SRGAP1: variants seen among roughly 807,000 people sequenced by gnomAD.
The protein encoded by SRGAP1 is SLIT-ROBO Rho GTPase-activating protein 1.
A neutral mutation model predicts 121.9 loss-of-function variants in SRGAP1; 43 were observed. That is an observed-to-expected ratio of 0.35 (90% confidence interval 0.28 to 0.46). SRGAP1 has a LOEUF of 0.46. Ranked by LOEUF, SRGAP1 falls within the 20% of genes least tolerant of loss-of-function variation. SRGAP1 has a pLI of 1.00. For missense variants in SRGAP1, 1,102 were observed against 1,350.9 expected, an observed-to-expected ratio of 0.82 and a Z score of 2.89; for synonymous variants, 447 against 485.4, an observed-to-expected ratio of 0.92 and a Z score of 1.04.
At chr12:64,093,879 C>A (rs567122739) in intron 12 of SRGAP1, among the ~76,000 whole-genome samples, 1 of 152,066 alleles carries the variant, frequency 6.6e-6, no homozygotes, top group African/African-American at 2.4e-5. Context: ...AATAGTAAAG[C>A]GTTTAAATTG....
intron 1 of SRGAP1, among the ~76,000 whole-genome samples, chr12:63,908,100 T>C (rs569753922): frequency 2.8e-4 from 42 of 152,324 alleles, no homozygotes; most frequent in African/African-American, 9.4e-4. Flanking sequence ...TACCACACTA[T>C]CTTGATTAAT....
chr12:63,844,902 G>T lies in SRGAP1; in HGVS notation c.67+19G>T, dbSNP rs763932737. On this transcript the variant is annotated intron_variant, in intron 1 of 21. Coordinates refer to ENST00000355086, the MANE Select transcript of SRGAP1 (RefSeq NM_020762.4). This position sits in a 1 kb window ranked among gnomAD's most constrained non-coding sequence, Gnocchi z 4.3. ...GTCAAAGGTAAGGATGGGAGCGGCT[G>T]CCTTGCTCCTTTTGTGTGCCTTCTT... The T allele has an allele frequency of 6.2e-7, 1 of 1,611,828 alleles. No individual in the cohort carries two copies. The highest frequency in any genetic ancestry group is 1.1e-5 in the South Asian group (1 of 91,028).
chr12:63,917,470 GA>G (rs1376343213), intron 1 of SRGAP1, among the ~76,000 whole-genome samples: 2 of 152,124 alleles, frequency 1.3e-5, no homozygotes, highest in South Asian at 2.1e-4. Context: ...AGTGTGTTGG[GA>G]GCAATGTGAG....
rs542531891 is a variant in SRGAP1 at position 64,075,367 on chromosome 12, G to A, written c.1126-3552G>A. On this transcript the variant is annotated intron_variant, in intron 8 of 21. Coordinates refer to ENST00000355086, the MANE Select transcript of SRGAP1 (RefSeq NM_020762.4). ...CTTTAAGCAGTTTTCCGACTTGGGC[G>A]GGCCAGGTGTTCCTTGCCCTCTTGC... Among the ~76,000 whole-genome samples, 124 of 152,330 alleles carry A rather than the reference G, an allele frequency of 8.1e-4. 1 individual carries two copies. The Middle Eastern group carries it at 0.024, about 29-fold the overall frequency.
chr12:63,862,658 C>T (rs755942293), intron 1 of SRGAP1, among the ~76,000 whole-genome samples: 57 of 152,338 alleles, frequency 3.7e-4, no homozygotes, highest in Admixed American at 9.8e-4. Context: ...TGGAATTCAG[C>T]TTTGGAACAG....
At chr12:63,892,996 G>A (rs536621235) in intron 1 of SRGAP1, among the ~76,000 whole-genome samples, 1 of 152,176 alleles carries the variant, frequency 6.6e-6, no homozygotes, top group Non-Finnish European at 1.5e-5. Context: ...GTTCAGTTAT[G>A]TAGGTATTTA....
intron 1 of SRGAP1, among the ~76,000 whole-genome samples, chr12:63,977,727 G>A (rs779866217): frequency 6.6e-6 from 1 of 151,698 alleles, no homozygotes; most frequent in African/African-American, 2.4e-5. Flanking sequence ...CTCATTTTGT[G>A]CATTGTTCTT....
intron 2 of SRGAP1, among the ~76,000 whole-genome samples, chr12:63,985,199 G>C (rs1170776934): frequency 2.0e-5 from 3 of 152,164 alleles, no homozygotes; most frequent in African/African-American, 7.2e-5. Context: ...GCAAAGACCT[G>C]AAGGACTAGT....
intron 18 of SRGAP1, among the ~76,000 whole-genome samples, chr12:64,117,128 G>A (rs986749650): frequency 1.3e-5 from 2 of 152,164 alleles, no homozygotes; most frequent in Non-Finnish European, 2.9e-5. Context: ...GGGCAGGTTG[G>A]TGTTTGGAAA....
chr12:64,150,955 A>AAAAAAAAAAAAAAAAAAAC lies in SRGAP1; in HGVS notation c.*8288_*8289insAAAAAAAAAAAAACAAAAA. 1.3e-5 allele frequency: 2 copies of AAAAAAAAAAAAAAAAAAAC among 148,712 alleles called. No individual in the cohort carries two copies. The allele number at this position is 148,712 out of a possible 1,614,324, so 9.2% of individuals were successfully genotyped here. ...ATCTCAAAAAAAAAAAAAAAAAAAAAAAAAACATGGTCAAGATTTGTAATA... is the reference window on the plus strand; with the variant it reads ...ATCTCAAAAAAAAAAAAAAAAAAAAAAAAAAAAAAAAAAAAAAACAAAAACATGGTCAAGATTTGTAATA... On this transcript the variant is annotated 3_prime_UTR_variant, in exon 22 of 22. Coordinates refer to ENST00000355086, the MANE Select transcript of SRGAP1 (RefSeq NM_020762.4).
chr12:64,128,066 G>A lies in SRGAP1; in HGVS notation c.2746G>A (p.Gly916Ser). ...SPERRRRPGH[G>S]SLTNISRHDS... ...TGAGCGGAGGCGCAGGCCTGGCCAT[G>A]GCAGCCTGACCAACATCAGCCGGCA... Residue 916 changes from glycine to serine, a missense_variant, in exon 21 of 22, where the codon GGC becomes AGC. This residue lies in a region of SRGAP1 where 315 missense variants were observed against 343.1 expected (regional missense o/e 0.92). Coordinates refer to ENST00000355086, the MANE Select transcript of SRGAP1 (RefSeq NM_020762.4). 6.2e-7 allele frequency: 1 copy of A among 1,614,144 alleles called. No homozygotes were observed.
At chr12:63,962,905 T>C (rs550337851) in intron 1 of SRGAP1, among the ~76,000 whole-genome samples, 3 of 152,280 alleles carry the variant, frequency 2.0e-5, no homozygotes, top group African/African-American at 7.2e-5. Flanking sequence ...AGCATAAAAT[T>C]ATTAATATTT....
At chr12:64,091,918 A>G (rs2036060300) in intron 12 of SRGAP1, 1 of 1,535,808 alleles carries the variant, frequency 6.5e-7, no homozygotes, top group Non-Finnish European at 8.7e-7. Context: ...CTCGCACACA[A>G]GACATCAGGT....
chr12:64,141,548 C>T (rs926095768), intron 21 of SRGAP1, among the ~76,000 whole-genome samples: 2 of 152,044 alleles, frequency 1.3e-5, no homozygotes, highest in African/African-American at 4.8e-5. Context: ...TCACTGCACT[C>T]CAGCCTGGGT....
intron 21 of SRGAP1, among the ~76,000 whole-genome samples, chr12:64,140,557 CA>C (rs1209922344): frequency 6.6e-6 from 1 of 152,044 alleles, no homozygotes; most frequent in Non-Finnish European, 1.5e-5. Flanking sequence ...TGTTGCAAAT[CA>C]AAACTACAAT....
intron 2 of SRGAP1, among the ~76,000 whole-genome samples, chr12:63,989,057 G>T (rs1016462058): frequency 2.6e-5 from 4 of 152,202 alleles, no homozygotes; most frequent in Non-Finnish European, 4.4e-5. Flanking sequence ...CAATCCACCC[G>T]CCTCGGCCTC....
intron 2 of SRGAP1, among the ~76,000 whole-genome samples, chr12:63,987,697 A>G (rs1046213599): frequency 6.6e-6 from 1 of 152,112 alleles, no homozygotes; most frequent in Non-Finnish European, 1.5e-5. Flanking sequence ...AGCCCAGCCT[A>G]GGCAACAAGA....
intron 1 of SRGAP1, among the ~76,000 whole-genome samples, chr12:63,878,103 G>A (rs1251035082): frequency 6.6e-6 from 1 of 152,174 alleles, no homozygotes; most frequent in Non-Finnish European, 1.5e-5. Flanking sequence ...AACAACATTA[G>A]AGAAGAGTTG....
intron 1 of SRGAP1, among the ~76,000 whole-genome samples, chr12:63,954,973 A>G (rs2032418192): frequency 6.6e-6 from 1 of 152,126 alleles, no homozygotes; most frequent in Non-Finnish European, 1.5e-5. Context: ...TAAGCTTTTA[A>G]AAAATTATTT....
Sources: allele counts gnomAD v4.1 joint callset (sites outside exome capture counted in the v4.1 genomes callset), GRCh38; gene constraint gnomAD v4.1.1; regional missense constraint gnomAD v4.1.1; non-coding constraint Gnocchi (gnomAD v3.1); transcripts MANE v1.5; gene names NCBI Gene and HGNC (gene_info 2026-07-23, HGNC 2026-07-21).